Variants in FGGY observed in about 807,000 individuals in gnomAD.
FGGY encodes the protein FGGY carbohydrate kinase domain-containing protein.
A neutral mutation model predicts 71.3 loss-of-function variants in FGGY; 72 were observed. That is an observed-to-expected ratio of 1.01 (90% CI 0.84 to 1.23). FGGY has a LOEUF of 1.23. Ranked by LOEUF, FGGY falls within the 50% of genes most tolerant of loss-of-function variation. The pLI, the probability that FGGY is intolerant of heterozygous loss-of-function variation, is 0.00. For synonymous variants in FGGY, 251 were observed against 250.3 expected (o/e 1.00, Z -0.02); for missense variants, 668 against 682.3 (o/e 0.98, Z 0.23).
intron 7 of FGGY, among the ~76,000 whole-genome samples, chr1:59,523,686 A>G (rs562997823): frequency 2.0e-5 from 3 of 152,160 alleles, no homozygotes; most frequent in African/African-American, 7.2e-5. Flanking sequence ...CCACCTTTCC[A>G]TACCTCTAAT....
chr1:59,571,333 T>G (rs984811558), intron 8 of FGGY, among the ~76,000 whole-genome samples: 13 of 152,228 alleles, frequency 8.5e-5, no homozygotes, highest in Non-Finnish European at 1.5e-4. Context: ...GCCAGTTGTT[T>G]AGAGCATTCA....
chr1:59,349,241 A>G (rs577662533), intron 4 of FGGY, among the ~76,000 whole-genome samples: 6 of 152,198 alleles, frequency 3.9e-5, no homozygotes, highest in Non-Finnish European at 8.8e-5. Flanking sequence ...TCTGTGAAGC[A>G]TGGCTCTTGG....
intron 8 of FGGY, among the ~76,000 whole-genome samples, chr1:59,569,237 A>C (rs1467490271): frequency 6.6e-6 from 1 of 152,162 alleles, no homozygotes; most frequent in Admixed American, 6.5e-5. Flanking sequence ...CTATATAAGA[A>C]AGAGAAAGAT....
intron 9 of FGGY, among the ~76,000 whole-genome samples, chr1:59,621,857 C>A (rs2096811486): frequency 6.6e-6 from 1 of 151,844 alleles, no homozygotes; most frequent in African/African-American, 2.4e-5. Context: ...GGGAAATTTT[C>A]AGCATTTAAT....
At chr1:59,411,451 ATGATT>A (rs2063587836) in intron 5 of FGGY, among the ~76,000 whole-genome samples, 1 of 152,228 alleles carries the variant, frequency 6.6e-6, no homozygotes, top group African/African-American at 2.4e-5. Context: ...TTTGTAATTA[ATGATT>A]ACCTTGTAGG....
At chr1:59,673,435 A>C (rs2097400804) in intron 13 of FGGY, among the ~76,000 whole-genome samples, 1 of 152,144 alleles carries the variant, frequency 6.6e-6, no homozygotes, top group Admixed American at 6.5e-5. Flanking sequence ...TGGAAGGAGA[A>C]GAGGAGGATA....
At chr1:59,510,263 A>G (rs2094488986) in intron 6 of FGGY, among the ~76,000 whole-genome samples, 1 of 151,906 alleles carries the variant, frequency 6.6e-6, no homozygotes, top group African/African-American at 2.4e-5. Flanking sequence ...CAATTTTCCC[A>G]TCTGTCTGTA....
chr1:59,690,367 C>T (rs1426042503), intron 14 of FGGY, among the ~76,000 whole-genome samples: 1 of 152,164 alleles, frequency 6.6e-6, no homozygotes, highest in Non-Finnish European at 1.5e-5. Context: ...ACCTGAATCA[C>T]CAAGAGGCCA....
chr1:59,418,714 CTT>C (rs956473225), intron 5 of FGGY, among the ~76,000 whole-genome samples: 96 of 151,684 alleles, frequency 6.3e-4, no homozygotes, highest in Non-Finnish European at 1.2e-3. Context: ...TTGATTTTTT[CTT>C]TTTTTGTGTG....
chr1:59,498,481 G>T (rs1214752119), intron 6 of FGGY, among the ~76,000 whole-genome samples: 1 of 152,106 alleles, frequency 6.6e-6, no homozygotes, highest in Non-Finnish European at 1.5e-5. Context: ...CAAGAATGGG[G>T]CCCAGGAATT....
intron 15 of FGGY, among the ~76,000 whole-genome samples, chr1:59,761,761 A>C (rs1454473993): frequency 6.6e-6 from 1 of 152,178 alleles, no homozygotes; most frequent in Non-Finnish European, 1.5e-5. Flanking sequence ...CATTAGCTAC[A>C]TTTCCATGGG....
At chr1:59,597,232 C>G (rs2096533314) in intron 8 of FGGY, among the ~76,000 whole-genome samples, 1 of 152,180 alleles carries the variant, frequency 6.6e-6, no homozygotes, top group Admixed American at 6.5e-5. Flanking sequence ...TATTGGGAAA[C>G]ACTTCCAAAA....
chr1:59,457,088 A>G lies in FGGY; in HGVS notation c.670+12A>G. The stretch of plus-strand genomic sequence containing the variant: ...TTACAGCAAAATAGGTAAAAGAATA[A>G]AACATCTGTAGAGTGATTATGTGCA... On this transcript the variant is annotated intron_variant, in intron 6 of 15. Transcript: ENST00000303721. 3 of 1,558,108 alleles carry G rather than the reference A, an allele frequency of 1.9e-6. No individual in the cohort carries two copies. The highest frequency in any genetic ancestry group is 2.7e-6 in the Non-Finnish European group (3 of 1,129,222).
intron 10 of FGGY, among the ~76,000 whole-genome samples, chr1:59,628,439 A>C (rs543549627): frequency 2.0e-5 from 3 of 152,318 alleles, no homozygotes; most frequent in African/African-American, 7.2e-5. Context: ...GAGGAGACTT[A>C]AGGAGGTACT....
intron 10 of FGGY, among the ~76,000 whole-genome samples, chr1:59,630,137 C>T (rs1010204556): frequency 4.6e-5 from 7 of 152,024 alleles, no homozygotes; most frequent in Non-Finnish European, 8.8e-5. Context: ...CTTATAAAAC[C>T]ATCAGATCTC....
chr1:59,381,586 C>T (rs1235496809), intron 5 of FGGY, among the ~76,000 whole-genome samples: 1 of 151,156 alleles, frequency 6.6e-6, no homozygotes, highest in East Asian at 1.9e-4. Flanking sequence ...GTCATATATG[C>T]AGTCTGTTAT....
chr1:59,460,691 G>A (rs530823430), intron 6 of FGGY, among the ~76,000 whole-genome samples: 3 of 152,264 alleles, frequency 2.0e-5, no homozygotes, highest in African/African-American at 7.2e-5. Flanking sequence ...TGCCCCTCTG[G>A]GATGAAGCTT....
chr1:59,643,645 T>C (rs1452576027), intron 11 of FGGY, among the ~76,000 whole-genome samples: 1 of 152,210 alleles, frequency 6.6e-6, no homozygotes, highest in Non-Finnish European at 1.5e-5. Flanking sequence ...AATTAAAACC[T>C]ACATTGAAAG....
At chr1:59,608,427 T>C (rs2096644380) in intron 9 of FGGY, among the ~76,000 whole-genome samples, 1 of 152,200 alleles carries the variant, frequency 6.6e-6, no homozygotes, top group Admixed American at 6.5e-5. Flanking sequence ...GGGAGTTCTT[T>C]ACCACCTCAA....
Sources: allele counts gnomAD v4.1 joint callset (sites outside exome capture counted in the v4.1 genomes callset), GRCh38; gene constraint gnomAD v4.1.1; transcripts MANE v1.5; gene names NCBI Gene and HGNC (gene_info 2026-07-23, HGNC 2026-07-21).